PSPC1: variants seen among roughly 807,000 people sequenced by gnomAD.
PSPC1 encodes the protein paraspeckle component 1, also known as paraspeckle protein 1.
PSPC1 carries 14 observed loss-of-function variants against 51.6 expected under a neutral mutation model. The observed-to-expected ratio is 0.27, with a 90% CI of 0.18 to 0.42. PSPC1 has a LOEUF of 0.42. Among genes scored for constraint, PSPC1 ranks in the 10% least tolerant of loss-of-function variants. The pLI, the probability that PSPC1 is intolerant of heterozygous loss-of-function variation, is 1.00. For missense variants in PSPC1, 406 were observed against 701.1 expected, an observed-to-expected ratio of 0.58 and a Z score of 4.75; for synonymous variants, 193 against 231.9, an observed-to-expected ratio of 0.83 and a Z score of 1.53.
At chr13:19,677,463 G>A (rs887123907) in intron 7 of PSPC1, among the ~76,000 whole-genome samples, 4 of 151,280 alleles carry the variant, frequency 2.6e-5, no homozygotes, top group African/African-American at 9.7e-5. Flanking sequence ...GGAAAGAGGA[G>A]GGCAAGGCGA....
chr13:19,707,631 A>G (rs1295518677), intron 7 of PSPC1, among the ~76,000 whole-genome samples: 1 of 152,202 alleles, frequency 6.6e-6, no homozygotes, highest in Non-Finnish European at 1.5e-5. Flanking sequence ...AATGTAAGTA[A>G]GTCCTCTGGT....
At chr13:19,708,456 C>A (rs1449704885) in intron 7 of PSPC1, among the ~76,000 whole-genome samples, 1 of 152,138 alleles carries the variant, frequency 6.6e-6, no homozygotes, top group Non-Finnish European at 1.5e-5. Context: ...AATTCCTTAT[C>A]CAACTTTTAA....
At chr13:19,714,499 T>C (rs1221352356) in intron 6 of PSPC1, among the ~76,000 whole-genome samples, 4 of 151,352 alleles carry the variant, frequency 2.6e-5, no homozygotes, top group Non-Finnish European at 4.4e-5. Context: ...GGATTTCTTT[T>C]TTTTTTTTTT....
intron 4 of PSPC1, among the ~76,000 whole-genome samples, chr13:19,744,006 G>A (rs2138060330): frequency 6.6e-6 from 1 of 152,250 alleles, no homozygotes; most frequent in South Asian, 2.1e-4. Context: ...TACTCAGGAG[G>A]CTTAGGCAGG....
chr13:19,694,282 A>G (rs1370940057), intron 6 of PSPC1, among the ~76,000 whole-genome samples: 1 of 152,082 alleles, frequency 6.6e-6, no homozygotes, highest in Non-Finnish European at 1.5e-5. Context: ...AGAGATTACA[A>G]TCATTGAAAG....
intron 6 of PSPC1, among the ~76,000 whole-genome samples, chr13:19,721,562 T>C (rs1240219604): frequency 1.3e-5 from 2 of 152,230 alleles, no homozygotes; most frequent in African/African-American, 4.8e-5. Context: ...ACCAAGACTA[T>C]TTAATGACAC....
chr13:19,733,786 A>AAAAAT (rs1555237785), intron 5 of PSPC1, among the ~76,000 whole-genome samples: 1 of 141,790 alleles, frequency 7.1e-6, no homozygotes, highest in Non-Finnish European at 1.5e-5. Context: ...AAGAAAAAAA[A>AAAAAT]ATATATATAT....
chr13:19,706,344 T>C (rs995258996), intron 7 of PSPC1, among the ~76,000 whole-genome samples: 9 of 152,040 alleles, frequency 5.9e-5, no homozygotes, highest in Non-Finnish European at 1.2e-4. Flanking sequence ...TTTTTTTTTT[T>C]CCTCCCTGAG....
At chr13:19,704,340 A>C (rs1292178375) in intron 8 of PSPC1, among the ~76,000 whole-genome samples, 1 of 152,272 alleles carries the variant, frequency 6.6e-6, no homozygotes, top group Non-Finnish European at 1.5e-5. Context: ...CTATCATTTT[A>C]AAAAATCCAA....
chr13:19,778,304 T>C (rs553377869), intron 1 of PSPC1, among the ~76,000 whole-genome samples: 10 of 45,130 alleles, frequency 2.2e-4, no homozygotes, highest in African/African-American at 3.3e-4. Flanking sequence ...AAGAAAAAAA[T>C]TAATAAAAAT....
At chr13:19,717,508 C>T (rs548769696) in intron 6 of PSPC1, among the ~76,000 whole-genome samples, 2 of 151,868 alleles carry the variant, frequency 1.3e-5, no homozygotes, top group South Asian at 2.1e-4. Context: ...GAGTTTGAGA[C>T]CAGCCTGGTC....
intron 5 of PSPC1, among the ~76,000 whole-genome samples, chr13:19,733,989 G>A (rs1268981609): frequency 2.0e-5 from 3 of 152,016 alleles, no homozygotes; most frequent in Admixed American, 1.3e-4. Flanking sequence ...AACCATAGAA[G>A]AGGGTATGAA....
At chr13:19,717,705 C>CAAAAAAAA (rs780984201) in intron 6 of PSPC1, among the ~76,000 whole-genome samples, 1 of 72,260 alleles carries the variant, frequency 1.4e-5, no homozygotes. Context: ...GACTCTGTCT[C>CAAAAAAAA]AAAAAAAAAA....
chr13:19,760,604 G>C (rs982555786), intron 2 of PSPC1, among the ~76,000 whole-genome samples: 1 of 151,844 alleles, frequency 6.6e-6, no homozygotes, highest in Non-Finnish European at 1.5e-5. Flanking sequence ...TGTAATTCTA[G>C]AGCTTTGGGA....
downstream of PSPC1, among the ~76,000 whole-genome samples, chr13:19,699,571 C>T (rs1355830704): frequency 6.6e-6 from 1 of 151,920 alleles, no homozygotes; most frequent in African/African-American, 2.4e-5. Flanking sequence ...CCATGCTGGG[C>T]TACATAAGAG....
At chr13:19,728,576 AC>A (rs1883659909) in intron 6 of PSPC1, among the ~76,000 whole-genome samples, 1 of 152,176 alleles carries the variant, frequency 6.6e-6, no homozygotes, top group African/African-American at 2.4e-5. Context: ...CATTCTTAAT[AC>A]AATGCTTTCC....
At chr13:19,686,592 G>A (rs951381799) in intron 6 of PSPC1, among the ~76,000 whole-genome samples, 1 of 152,182 alleles carries the variant, frequency 6.6e-6, no homozygotes, top group Non-Finnish European at 1.5e-5. Flanking sequence ...ATGATACTGA[G>A]AAATTTACTA....
intron 5 of PSPC1, among the ~76,000 whole-genome samples, chr13:19,739,950 T>C (rs1001074569): frequency 6.6e-6 from 1 of 152,054 alleles, no homozygotes; most frequent in Non-Finnish European, 1.5e-5. Flanking sequence ...CTCACCACTA[T>C]TGTTTCTCAT....
At chr13:19,769,256 G>A (rs947287623) in intron 2 of PSPC1, among the ~76,000 whole-genome samples, 3 of 147,990 alleles carry the variant, frequency 2.0e-5, no homozygotes, top group Admixed American at 6.7e-5. Flanking sequence ...TCACCAACAC[G>A]TAGAAACCCC....
Sources: allele counts gnomAD v4.1 joint callset (sites outside exome capture counted in the v4.1 genomes callset), GRCh38; gene constraint gnomAD v4.1.1; transcripts MANE v1.5; gene names NCBI Gene and HGNC (gene_info 2026-07-23, HGNC 2026-07-21).